The following TNFSF10 variants were observed in gnomAD, a reference collection of about 807,000 sequenced individuals.
TNFSF10 encodes TNF superfamily member 10.
Under a neutral mutation model 29.5 loss-of-function variants are expected in TNFSF10, and 13 were observed. The observed-to-expected ratio is 0.44, with a 90% CI of 0.29 to 0.70. The LOEUF (loss-of-function observed/expected upper bound fraction) is 0.70. Among genes scored for constraint, TNFSF10 ranks in the 30% least tolerant of loss-of-function variants. The pLI is 0.13. For synonymous variants in TNFSF10, 111 were observed against 112.8 expected (o/e 0.98, Z 0.10); for missense variants, 345 against 330.9 (o/e 1.04, Z -0.33).
chr3:172,508,425 T>C (rs577309464), intron 4 of TNFSF10, among the ~76,000 whole-genome samples: 1 of 152,306 alleles, frequency 6.6e-6, no homozygotes, highest in South Asian at 2.1e-4. Context: ...GACATTTGTG[T>C]AAGTAAAATA....
At position 172,505,721 on chromosome 3, in the gene TNFSF10, T is replaced by C. The variant is rs1712954057; in HGVS notation, c.*771A>G. ...ATTGAAAAAAATAACACGTACTTAC[T>C]GAAGTTTTTTTTTTTTTTTTTTTTG... is the stretch of plus-strand genomic sequence containing the variant. On this transcript the variant is annotated 3_prime_UTR_variant, in exon 5 of 5. Coordinates refer to ENST00000241261, the MANE Select transcript of TNFSF10 (RefSeq NM_003810.4). The C allele has an allele frequency of 7.2e-6, 1 of 139,154 alleles. No individual in the cohort carries two copies. The highest frequency in any genetic ancestry group is 7.7e-5 in the Admixed American group (1 of 13,030). The allele number at this position is 139,154 out of a possible 1,614,324, so 8.6% of individuals were successfully genotyped here.
chr3:172,514,665 G>A (rs964915159), intron 2 of TNFSF10, among the ~76,000 whole-genome samples, 196 bp downstream of exon 2: 1 of 152,210 alleles, frequency 6.6e-6, no homozygotes, highest in Non-Finnish European at 1.5e-5. Context: ...AGTCGGCCAG[G>A]TCCTGCCCTT....
At chr3:172,522,790 T>C (rs1263965627) in intron 1 of TNFSF10, among the ~76,000 whole-genome samples, 1 of 152,234 alleles carries the variant, frequency 6.6e-6, no homozygotes, top group Non-Finnish European at 1.5e-5. Context: ...TGAGCTAATG[T>C]GTTTTATCTG....
chr3:172,509,386 C>T (rs1018711830), intron 3 of TNFSF10, 65 bp from the exon 4 acceptor site: 2 of 1,284,920 alleles, frequency 1.6e-6, no homozygotes, highest in African/African-American at 2.9e-5. Context: ...CCTTGCTCTT[C>T]ATAGGTGTTG....
chr3:172,516,220 T>C (rs1713429061), intron 1 of TNFSF10, among the ~76,000 whole-genome samples: 1 of 147,990 alleles, frequency 6.8e-6, no homozygotes, highest in Non-Finnish European at 1.5e-5. Context: ...GCTGAGATCG[T>C]GCCATTGCAC....
At chr3:172,522,322 T>C (rs1713734197) in intron 1 of TNFSF10, 6 of 870,290 alleles carry the variant, frequency 6.9e-6, no homozygotes, top group Non-Finnish European at 1.2e-5. Flanking sequence ...ATAAAGACTC[T>C]AAGAGCTACA....
At chr3:172,512,690 C>T (rs1455749413) in intron 2 of TNFSF10, among the ~76,000 whole-genome samples, 1 of 152,160 alleles carries the variant, frequency 6.6e-6, no homozygotes, top group East Asian at 1.9e-4. Flanking sequence ...CTCTGTGTGT[C>T]TCTCTTTCCC....
chr3:172,513,590 G>C (rs1380132996), intron 2 of TNFSF10, among the ~76,000 whole-genome samples: 1 of 152,178 alleles, frequency 6.6e-6, no homozygotes, highest in African/African-American at 2.4e-5. Flanking sequence ...GGGCTCTACT[G>C]TGAAAACAGC....
chr3:172,517,265 G>C, intron 1 of TNFSF10: 1 of 917,638 alleles, frequency 1.1e-6, no homozygotes, highest in Non-Finnish European at 1.3e-6. Context: ...TTGTGCCACA[G>C]GGACTAGCCC....
intron 4 of TNFSF10, among the ~76,000 whole-genome samples, chr3:172,508,604 G>A (rs1262492632): frequency 6.6e-6 from 1 of 151,944 alleles, no homozygotes; most frequent in East Asian, 1.9e-4. Flanking sequence ...TCATAAGAGA[G>A]AAAGGCTGGG....
At chr3:172,523,159 A>G in intron 1 of TNFSF10, 94 bp downstream of exon 1, 1 of 1,423,048 alleles carries the variant, frequency 7.0e-7, no homozygotes, top group South Asian at 1.6e-5. Context: ...GAAGCAGGAA[A>G]GTCTTCAGAG....
At chr3:172,522,055 T>C (rs1333760607) in intron 1 of TNFSF10, among the ~76,000 whole-genome samples, 2 of 128,892 alleles carry the variant, frequency 1.6e-5, no homozygotes, top group Non-Finnish European at 3.2e-5. Context: ...GGTGGGAGGC[T>C]AGGGGAGGGA....
intron 1 of TNFSF10, chr3:172,517,513 G>C (rs905566774): frequency 1.2e-6 from 1 of 826,086 alleles, no homozygotes; most frequent in African/African-American, 1.9e-5. Flanking sequence ...TTTTCTAAAA[G>C]AAAAAAAAAA....
At chr3:172,521,942 G>C (rs532829356) in intron 1 of TNFSF10, among the ~76,000 whole-genome samples, 2 of 152,018 alleles carry the variant, frequency 1.3e-5, no homozygotes, top group African/African-American at 4.8e-5. Context: ...ACTAACACAG[G>C]AACAGAAAAC....
chr3:172,516,130 G>A (rs1023628975), intron 1 of TNFSF10, among the ~76,000 whole-genome samples: 2 of 152,114 alleles, frequency 1.3e-5, no homozygotes, highest in Non-Finnish European at 2.9e-5. Flanking sequence ...TGGGCGTGGT[G>A]GCGGGCGCCT....
intron 2 of TNFSF10, 121 bp from the exon 3 acceptor site, chr3:172,511,780 G>T: frequency 1.3e-6 from 1 of 790,130 alleles, no homozygotes. Context: ...ATCAATCTGG[G>T]AAGTTTTAAG....
At chr3:172,509,596 G>T (rs1713132992) in intron 3 of TNFSF10, among the ~76,000 whole-genome samples, 2 of 152,166 alleles carry the variant, frequency 1.3e-5, no homozygotes, top group Admixed American at 1.3e-4. Context: ...ACAAAGTGAA[G>T]ATACAACAAA....
intron 2 of TNFSF10, among the ~76,000 whole-genome samples, chr3:172,512,717 T>C (rs1244374269): frequency 6.6e-6 from 1 of 152,114 alleles, no homozygotes; most frequent in East Asian, 1.9e-4. Context: ...ACTCTCTTTC[T>C]CTTATTCTGC....
chr3:172,522,576 A>C, intron 1 of TNFSF10: 1 of 481,900 alleles, frequency 2.1e-6, no homozygotes. Flanking sequence ...TCATGGCTAC[A>C]GTGTAAGCTC....
Sources: allele counts gnomAD v4.1 joint callset (sites outside exome capture counted in the v4.1 genomes callset), GRCh38; gene constraint gnomAD v4.1.1; transcripts MANE v1.5; gene names NCBI Gene and HGNC (gene_info 2026-07-23, HGNC 2026-07-21).